TMEM250: variants seen among roughly 807,000 people sequenced by gnomAD.
The protein encoded by TMEM250 is transmembrane protein 250.
TMEM250 carries 7 observed loss-of-function variants against 7.0 expected under a neutral mutation model. The observed-to-expected ratio is 1.00, with a 90% CI of 0.57 to 1.87. TMEM250 has a LOEUF of 1.87. Among genes scored for constraint, TMEM250 ranks in the 40% most tolerant of loss-of-function variants. The pLI, the probability that TMEM250 is intolerant of heterozygous loss-of-function variation, is 0.00. For missense variants in TMEM250, 196 were observed against 202.5 expected (o/e 0.97, Z 0.19); for synonymous variants, 135 against 96.7 (o/e 1.40, Z -2.32).
chr9:136,116,736 G>A lies in TMEM250; in HGVS notation c.165C>T (p.Arg55=). 5 of 1,612,544 alleles carry A rather than the reference G, an allele frequency of 3.1e-6. No individual in the cohort carries two copies. The highest frequency in any genetic ancestry group is 1.1e-5 in the South Asian group (1 of 91,090). The change falls in exon 2 of 2, where the codon CGC becomes CGT. Residue 55 remains arginine, a synonymous_variant. Transcript: ENST00000418388. ...GGCTGCAGCTAAAGTAGAGTAGGAA[G>A]CGGATGAAGCCGTACAGCCAGCGCG... The part of the protein sequence containing the change: ...IKTRWLYGFI[R]FLLYFSCSLF...
At chr9:136,117,466 G>A (rs890302356) in intron 1 of TMEM250, among the ~76,000 whole-genome samples, 2 of 152,228 alleles carry the variant, frequency 1.3e-5, no homozygotes, top group African/African-American at 4.8e-5. Flanking sequence ...GCCCTTAAAT[G>A]GCATCTGCAA....
At position 136,116,615 on chromosome 9, in the gene TMEM250, C is replaced by G. The variant is rs779525330; in HGVS notation, c.286G>C (p.Val96Leu). 6.8e-6 allele frequency: 11 copies of G among 1,607,716 alleles called. No individual in the cohort carries two copies. In the South Asian group the frequency reaches 1.1e-4, roughly 16 times the overall value. Reference sequence around the variant, plus strand: ...CGGCGGCCCAGCAGCAGCAGCAGCACCGACAGCTTGCGCTGGAAGCGCAGC... The same window carrying G: ...CGGCGGCCCAGCAGCAGCAGCAGCAGCGACAGCTTGCGCTGGAAGCGCAGC... Reference protein sequence around the residue: ...VLLRFQRKLSVLLLLLGRRRV... With the variant: ...VLLRFQRKLSLLLLLLGRRRV... The change falls in exon 2 of 2, where the codon GTG (valine) becomes CTG (leucine). Residue 96 changes from valine to leucine, a missense_variant. Physicochemically the swap from Val to Leu is conservative, Grantham distance 32 (BLOSUM62 1). Transcript: ENST00000418388.
At chr9:136,117,460 T>C (rs1475912311) in intron 1 of TMEM250, among the ~76,000 whole-genome samples, 1 of 152,210 alleles carries the variant, frequency 6.6e-6, no homozygotes, top group East Asian at 1.9e-4. Flanking sequence ...ATGCAAGCCC[T>C]TAAATGGCAT....
Position 136,116,206 on chromosome 9 carries a change from C to G in TMEM250, c.*275G>C. 1 of 552,846 alleles carries G rather than the reference C, an allele frequency of 1.8e-6. No individual in the cohort carries two copies. Among genetic ancestry groups the G allele is most frequent in the South Asian group, 3.0e-5 (1 of 33,016 alleles). The allele number at this position is 552,846 out of a possible 1,614,324, so 34.2% of individuals were successfully genotyped here. On this transcript the variant is annotated 3_prime_UTR_variant, in exon 2 of 2. Transcript: ENST00000418388. ...CAGAGAGGCGGAACGGAGGGCCCAC[C>G]CCGCAGTACGACCCGAAGACATGTG...
rs944263255 is a variant in TMEM250 at position 136,117,115 on chromosome 9, C to T, written c.-124-91G>A. 6.0e-5 allele frequency: 44 copies of T among 732,538 alleles called. No individual in the cohort carries two copies. In the African/African-American group the frequency reaches 6.8e-4, roughly 11 times the overall value. The allele number at this position is 732,538 out of a possible 1,614,324, so 45.4% of individuals were successfully genotyped here. The stretch of plus-strand genomic sequence containing the variant: ...CAGCTGGCGAAAGTGGACACAAACT[C>T]CAGCACCAGGACTACGGGAAAATGG... On this transcript the variant is annotated intron_variant, in intron 1 of 1. Transcript: ENST00000418388.
At position 136,116,353 on chromosome 9, in the gene TMEM250, C is replaced by G; in HGVS notation, c.*128G>C. On this transcript the variant is annotated 3_prime_UTR_variant, in exon 2 of 2. Transcript: ENST00000418388. ...CACAGAAGTCTCAGCCCTTTCTTTTCTCTCCGTGGGCGCCGGGCAGCAGCG... is the reference window on the plus strand; with the variant it reads ...CACAGAAGTCTCAGCCCTTTCTTTTGTCTCCGTGGGCGCCGGGCAGCAGCG... 2 of 1,432,254 alleles carry G rather than the reference C, an allele frequency of 1.4e-6. No individual in the cohort carries two copies. The highest frequency in any genetic ancestry group is 1.8e-6 in the Non-Finnish European group (2 of 1,097,168). 88.7% of individuals were successfully genotyped at this position (1,432,254 alleles called of 1,614,324 possible).
At position 136,116,943 on chromosome 9, in the gene TMEM250, G is replaced by A. The variant is rs1369566215; in HGVS notation, c.-43C>T. The A allele has an allele frequency of 7.8e-6, 11 of 1,416,290 alleles. No homozygotes were observed. The highest frequency in any genetic ancestry group is 2.8e-5 in the East Asian group (1 of 35,974). 87.7% of individuals were successfully genotyped at this position (1,416,290 alleles called of 1,614,324 possible). A position where few individuals can be genotyped will look rare whatever the true frequency, so the allele number is the denominator to read the frequency against. On this transcript the variant is annotated 5_prime_UTR_variant, in exon 2 of 2. Transcript: ENST00000418388. The stretch of plus-strand genomic sequence containing the variant: ...GGCGCTAGGTCGCAGTGGCGGCGGC[G>A]GTGTCCAGGCGGCTGTTGGCGTAGG...
rs1830677822 is a variant in TMEM250, at chr9:136,115,190, G to A, written c.*1291C>T. Reference sequence around the variant, plus strand: ...ACACCCTGTGTCCTGCTCTAGGGTAGCCTCTGCCTGTTGTCCTTGCAATCA... The same window carrying A: ...ACACCCTGTGTCCTGCTCTAGGGTAACCTCTGCCTGTTGTCCTTGCAATCA... On this transcript the variant is annotated 3_prime_UTR_variant, in exon 2 of 2. Transcript: ENST00000418388. The A allele has an allele frequency of 2.0e-5, 3 of 152,292 alleles. No individual in the cohort carries two copies. The South Asian group carries it at 6.2e-4, about 32-fold the overall frequency. 9.4% of individuals were successfully genotyped at this position (152,292 alleles called of 1,614,324 possible).
chr9:136,116,590 C>A lies in TMEM250; in HGVS notation c.311G>T (p.Arg104Leu). 1 of 1,603,096 alleles carries A rather than the reference C, an allele frequency of 6.2e-7. No individual in the cohort carries two copies. The highest frequency in any genetic ancestry group is 8.5e-7 in the Non-Finnish European group (1 of 1,179,574). Residue 104 changes from arginine (R) to leucine (L), a missense_variant, in exon 2 of 2, where the codon CGG (arginine) becomes CTG (leucine). Transcript: ENST00000418388. The part of the protein sequence containing the change: ...LSVLLLLLGR[R>L]RVDFRLVNEL... ...GTTCACCAGGCGGAAGTCCACGCGCCGGCGGCCCAGCAGCAGCAGCAGCAC... is the reference window on the plus strand; with the variant it reads ...GTTCACCAGGCGGAAGTCCACGCGCAGGCGGCCCAGCAGCAGCAGCAGCAC...
chr9:136,116,390 G>A lies in TMEM250; in HGVS notation c.*91C>T. 7.0e-7 allele frequency: 1 copy of A among 1,436,826 alleles called. No homozygotes were observed. The highest frequency in any genetic ancestry group is 9.1e-7 in the Non-Finnish European group (1 of 1,099,180). The allele number at this position is 1,436,826 out of a possible 1,614,324, so 89.0% of individuals were successfully genotyped here. ...GCCGGGCAGCAGCGACTGCCTGGGG[G>A]ATGGGCGAAGGGAAGGCGCTGGCCG... On this transcript the variant is annotated 3_prime_UTR_variant, in exon 2 of 2. Transcript: ENST00000418388.
At chr9:136,117,624 T>C (rs1356155379) in intron 1 of TMEM250, among the ~76,000 whole-genome samples, 1 of 152,208 alleles carries the variant, frequency 6.6e-6, no homozygotes, top group Non-Finnish European at 1.5e-5. Flanking sequence ...GCCTGAACCC[T>C]GGCACTGTCC....
chr9:136,117,535 G>A (rs1387831539), intron 1 of TMEM250, among the ~76,000 whole-genome samples: 1 of 152,254 alleles, frequency 6.6e-6, no homozygotes, highest in Non-Finnish European at 1.5e-5. Context: ...CCGAAAACGA[G>A]CCCGGCGGGA....
rs1830682649 is a variant in TMEM250, at chr9:136,115,468, G to C, written c.*1013C>G. 1 of 152,272 alleles carries C rather than the reference G, an allele frequency of 6.6e-6. No individual in the cohort carries two copies. The highest frequency in any genetic ancestry group is 2.4e-5 in the African/African-American group (1 of 41,432). The allele number at this position is 152,272 out of a possible 1,614,324, so 9.4% of individuals were successfully genotyped here. A position where few individuals can be genotyped will look rare whatever the true frequency, so the allele number is the denominator to read the frequency against. On this transcript the variant is annotated 3_prime_UTR_variant, in exon 2 of 2. Transcript: ENST00000418388. Reference sequence around the variant, plus strand: ...TCTCAGCATATACCTGGGGCTCTAAGATGCTGCTGGTGCCACACAGGCTCT... The same window carrying C: ...TCTCAGCATATACCTGGGGCTCTAACATGCTGCTGGTGCCACACAGGCTCT...
rs775257197 is a variant in TMEM250, at chr9:136,116,932, G to C, written c.-32C>G. The C allele has an allele frequency of 7.7e-6, 11 of 1,435,770 alleles. No homozygotes were observed. Among genetic ancestry groups the C allele is most frequent in the South Asian group, 1.5e-5 (1 of 68,154 alleles). The allele number at this position is 1,435,770 out of a possible 1,614,324, so 88.9% of individuals were successfully genotyped here. A position where few individuals can be genotyped will look rare whatever the true frequency, so the allele number is the denominator to read the frequency against. ...CCGGCGGCGGCGGCGCTAGGTCGCA[G>C]TGGCGGCGGCGGTGTCCAGGCGGCT... On this transcript the variant is annotated 5_prime_UTR_variant, in exon 2 of 2. Transcript: ENST00000418388.
At chr9:136,117,408 C>T (rs1230514299) in intron 1 of TMEM250, among the ~76,000 whole-genome samples, 1 of 152,226 alleles carries the variant, frequency 6.6e-6, no homozygotes, top group Non-Finnish European at 1.5e-5. Flanking sequence ...GCAGTTTGCC[C>T]GTTACTGCCC....
chr9:136,117,138 T>G, intron 1 of TMEM250, 114 bp from the exon 2 acceptor site: 1 of 592,584 alleles, frequency 1.7e-6, no homozygotes, highest in Non-Finnish European at 2.6e-6. Context: ...TACGGGAAAA[T>G]GGAGTCCAGG....
Position 136,115,838 on chromosome 9 carries a change from C to G in TMEM250, c.*643G>C, listed in dbSNP as rs11103339. 4.1e-4 allele frequency: 126 copies of G among 303,924 alleles called. No individual in the cohort carries two copies. Among genetic ancestry groups the G allele is most frequent in the Admixed American group, 2.6e-4 (5 of 19,588 alleles). The allele number at this position is 303,924 out of a possible 1,614,324, so 18.8% of individuals were successfully genotyped here. On this transcript the variant is annotated 3_prime_UTR_variant, in exon 2 of 2. Transcript: ENST00000418388. The stretch of plus-strand genomic sequence containing the variant: ...CCACCTGAGCCCTTCTCCGGCCCCC[C>G]GCTAGACTGCATCTACACAATCCAA...
In TMEM250 at chr9:136,116,862, G is replaced by C; in HGVS notation, c.39C>G (p.Phe13Leu). 6.3e-7 allele frequency: 1 copy of C among 1,577,122 alleles called. No individual in the cohort carries two copies. The highest frequency in any genetic ancestry group is 8.6e-7 in the Non-Finnish European group (1 of 1,162,202). Residue 13 changes from phenylalanine to leucine, a missense_variant, in exon 2 of 2, where the codon TTC becomes TTG. Transcript: ENST00000418388. ...VMPIPRRVRS[F>L]HGPHTTCLHA... ...GCAGGCAGGTGGTGTGCGGGCCGTGGAAGGAGCGCACCCGCCGCGGAATGG... is the reference window on the plus strand; with the variant it reads ...GCAGGCAGGTGGTGTGCGGGCCGTGCAAGGAGCGCACCCGCCGCGGAATGG...
At position 136,116,312 on chromosome 9, in the gene TMEM250, G is replaced by C; in HGVS notation, c.*169C>G. 1.5e-6 allele frequency: 2 copies of C among 1,363,600 alleles called. No individual in the cohort carries two copies. The highest frequency in any genetic ancestry group is 1.9e-6 in the Non-Finnish European group (2 of 1,036,692). The allele number at this position is 1,363,600 out of a possible 1,614,324, so 84.5% of individuals were successfully genotyped here. On this transcript the variant is annotated 3_prime_UTR_variant, in exon 2 of 2. Transcript: ENST00000418388. Reference sequence around the variant, plus strand: ...GGTCCAGGAAGCCAGCCTAGGGGTGGTGTCCGCGCCCCCATCACAGAAGTC... The same window carrying C: ...GGTCCAGGAAGCCAGCCTAGGGGTGCTGTCCGCGCCCCCATCACAGAAGTC...
Sources: gnomAD v4.1 joint callset for allele counts (sites outside exome capture counted in the v4.1 genomes callset) on GRCh38, gnomAD v4.1.1 for gene constraint, MANE v1.5 for transcripts, NCBI Gene and HGNC (gene_info 2026-07-23, HGNC 2026-07-21) for gene names.